SPIDR: variants seen among roughly 807,000 people sequenced by gnomAD.
SPIDR encodes the protein DNA repair-scaffolding protein.
SPIDR carries 93 observed loss-of-function variants against 104.6 expected under a neutral mutation model. That is an observed-to-expected ratio of 0.89 (90% CI 0.75 to 1.06). The LOEUF (loss-of-function observed/expected upper bound fraction) is 1.06, where lower values mean the gene tolerates loss of function less well. Among genes scored for constraint, SPIDR ranks in the 50% least tolerant of loss-of-function variants. The pLI is 0.00. For synonymous variants in SPIDR, 431 were observed against 416.9 expected (o/e 1.03, Z -0.41); for missense variants, 1,154 against 1,111.2 (o/e 1.04, Z -0.55).
chr8:47,423,191 G>A (rs1280147217), intron 7 of SPIDR, among the ~76,000 whole-genome samples: 5 of 151,976 alleles, frequency 3.3e-5, no homozygotes, highest in African/African-American at 7.2e-5. Flanking sequence ...CCAGCTACTC[G>A]GGAGGCTGTT....
At chr8:47,401,116 C>T (rs1439643921) in intron 6 of SPIDR, among the ~76,000 whole-genome samples, 1 of 152,090 alleles carries the variant, frequency 6.6e-6, no homozygotes, top group Non-Finnish European at 1.5e-5. Context: ...AAGAGAAGCC[C>T]ATCAGACTAA....
At chr8:47,294,845 T>C (rs1383004051) in intron 5 of SPIDR, among the ~76,000 whole-genome samples, 2 of 151,416 alleles carry the variant, frequency 1.3e-5, no homozygotes, top group South Asian at 2.1e-4. Context: ...TATGTGAGTT[T>C]GTAGTTTTCA....
At chr8:47,383,791 C>T (rs2059589113) in intron 5 of SPIDR, among the ~76,000 whole-genome samples, 1 of 152,078 alleles carries the variant, frequency 6.6e-6, no homozygotes, top group Admixed American at 6.5e-5. Context: ...ATAAGTAAAA[C>T]TATATATTTG....
At chr8:47,557,488 C>T (rs183848553) in intron 8 of SPIDR, among the ~76,000 whole-genome samples, 419 of 152,112 alleles carry the variant, frequency 2.8e-3, no homozygotes, top group African/African-American at 9.9e-3. Flanking sequence ...TTGGTTATGT[C>T]CTAAACTGTT....
intron 1 of SPIDR, among the ~76,000 whole-genome samples, chr8:47,275,466 A>G (rs923727490): frequency 1.3e-5 from 2 of 152,254 alleles, no homozygotes; most frequent in Admixed American, 6.5e-5. Flanking sequence ...AAAATAGGTA[A>G]GAATAATATT....
intron 8 of SPIDR, among the ~76,000 whole-genome samples, chr8:47,578,253 A>C (rs896159813): frequency 3.9e-5 from 6 of 152,156 alleles, no homozygotes; most frequent in Admixed American, 3.3e-4. Context: ...CGGGCAGATC[A>C]CGAGGTCAGG....
intron 8 of SPIDR, among the ~76,000 whole-genome samples, chr8:47,445,408 G>A (rs949229617): frequency 2.0e-5 from 3 of 152,194 alleles, no homozygotes; most frequent in Non-Finnish European, 2.9e-5. Context: ...TACTGTGTGT[G>A]CTCTAACTGC....
intron 8 of SPIDR, among the ~76,000 whole-genome samples, chr8:47,592,787 A>G (rs951812198): frequency 2.0e-5 from 3 of 152,212 alleles, no homozygotes; most frequent in Admixed American, 6.5e-5. Flanking sequence ...TAGAAAACTC[A>G]AGAGGAGTAG....
intron 11 of SPIDR, among the ~76,000 whole-genome samples, chr8:47,675,413 G>C (rs2076300027): frequency 6.6e-6 from 1 of 152,158 alleles, no homozygotes; most frequent in African/African-American, 2.4e-5. Flanking sequence ...TTATGTATTT[G>C]GGGAATGCAG....
intron 3 of SPIDR, among the ~76,000 whole-genome samples, chr8:47,287,807 T>C (rs1222265283): frequency 6.6e-6 from 1 of 152,230 alleles, no homozygotes; most frequent in Non-Finnish European, 1.5e-5. Context: ...TACAATCAAT[T>C]TGTACAGTTT....
intron 8 of SPIDR, among the ~76,000 whole-genome samples, chr8:47,555,840 C>T (rs1236295414): frequency 5.3e-5 from 8 of 152,202 alleles, no homozygotes; most frequent in Admixed American, 1.3e-4. Flanking sequence ...TAATACCACA[C>T]TGTAATTTCC....
intron 5 of SPIDR, among the ~76,000 whole-genome samples, chr8:47,392,614 A>G (rs1554652993): frequency 1.3e-5 from 2 of 152,232 alleles, no homozygotes; most frequent in Admixed American, 6.5e-5. Context: ...ATTTTGAAGT[A>G]CTACCTGAGC....
chr8:47,459,113 T>C (rs1443977378), intron 8 of SPIDR, among the ~76,000 whole-genome samples: 2 of 152,116 alleles, frequency 1.3e-5, no homozygotes, highest in Non-Finnish European at 2.9e-5. Flanking sequence ...GCATGTCTTA[T>C]GTGCTTTCCT....
intron 8 of SPIDR, among the ~76,000 whole-genome samples, chr8:47,569,115 C>CTAACTAA (rs2058225327): frequency 6.6e-6 from 1 of 151,858 alleles, no homozygotes; most frequent in African/African-American, 2.4e-5. Flanking sequence ...AAAAGAGAAC[C>CTAACTAA]AAGATAGGTA....
chr8:47,274,559 G>A (rs959318642), intron 1 of SPIDR, among the ~76,000 whole-genome samples: 1 of 151,760 alleles, frequency 6.6e-6, no homozygotes, highest in Non-Finnish European at 1.5e-5. Flanking sequence ...GTCTAGATTG[G>A]AATTCAGTTT....
At chr8:47,305,168 T>C (rs1474222939) in intron 5 of SPIDR, among the ~76,000 whole-genome samples, 2 of 152,242 alleles carry the variant, frequency 1.3e-5, no homozygotes, top group Non-Finnish European at 2.9e-5. Context: ...GACATAGCAG[T>C]GAATTCTCAT....
chr8:47,631,121 T>G (rs1425219223), intron 10 of SPIDR, among the ~76,000 whole-genome samples: 1 of 152,138 alleles, frequency 6.6e-6, no homozygotes, highest in Non-Finnish European at 1.5e-5. Context: ...AAAGGTCACA[T>G]AGGCACTGGA....
At chr8:47,503,773 C>T (rs182416971) in intron 8 of SPIDR, among the ~76,000 whole-genome samples, 10 of 152,190 alleles carry the variant, frequency 6.6e-5, no homozygotes, top group East Asian at 1.9e-4. Context: ...TGGCTGGTAC[C>T]GGTTGTTCCT....
intron 7 of SPIDR, among the ~76,000 whole-genome samples, chr8:47,422,773 A>G (rs981228220): frequency 6.6e-6 from 1 of 152,150 alleles, no homozygotes; most frequent in Non-Finnish European, 1.5e-5. Context: ...GTGAATTCTA[A>G]TACATCTTTC....
Sources: allele counts gnomAD v4.1 joint callset (sites outside exome capture counted in the v4.1 genomes callset), GRCh38; gene constraint gnomAD v4.1.1; transcripts MANE v1.5; gene names NCBI Gene and HGNC (gene_info 2026-07-23, HGNC 2026-07-21).